The following GALNT9 variants were observed in gnomAD, a reference collection of about 807,000 sequenced individuals.
GALNT9 encodes the protein polypeptide N-acetylgalactosaminyltransferase 9, also known as GalNAc transferase 9.
In GALNT9, 47 loss-of-function variants were observed where a neutral mutation model predicts 63.1. The observed-to-expected ratio is 0.75, with a 90% CI of 0.59 to 0.95. The LOEUF (loss-of-function observed/expected upper bound fraction) is 0.95, where lower values mean the gene tolerates loss of function less well. Ranked by LOEUF, GALNT9 falls within the 40% of genes least tolerant of loss-of-function variation. The pLI is 0.00. For synonymous variants in GALNT9, 396 were observed against 365.7 expected, an observed-to-expected ratio of 1.08 and a Z score of -0.94; for missense variants, 829 against 874.8, an observed-to-expected ratio of 0.95 and a Z score of 0.66.
rs1050595718 is a variant in GALNT9 at position 132,286,850 on chromosome 12, T to C, written c.239-420A>G. On this transcript the variant is annotated intron_variant, in intron 1 of 10. Transcript: ENST00000328957. This position sits in a 1 kb window ranked among gnomAD's most constrained non-coding sequence, Gnocchi z 7.4. ...CACCTCAGCCTCCTGAGTAAATGGG[T>C]GGGCCTCCACAACTGGCAAATTTTT... Among the ~76,000 whole-genome samples the C allele has an allele frequency of 2.6e-5, 4 of 152,036 alleles. No individual in the cohort carries two copies. The highest frequency in any genetic ancestry group is 5.9e-5 in the Non-Finnish European group (4 of 68,004).
intron 2 of GALNT9, among the ~76,000 whole-genome samples, chr12:132,284,820 G>C (rs1880524094): frequency 6.6e-6 from 1 of 152,184 alleles, no homozygotes; most frequent in Non-Finnish European, 1.5e-5. Context: ...GCCCCACCTG[G>C]CTAGAACAGG....
At chr12:132,314,572 A>G (rs1479886601) in intron 1 of GALNT9, among the ~76,000 whole-genome samples, 1 of 152,194 alleles carries the variant, frequency 6.6e-6, no homozygotes, top group Non-Finnish European at 1.5e-5. Context: ...TGTGCAGCTC[A>G]AAGATTCCTC....
intron 1 of GALNT9, among the ~76,000 whole-genome samples, chr12:132,312,052 T>C (rs1309009243): frequency 6.6e-6 from 1 of 152,248 alleles, no homozygotes; most frequent in Non-Finnish European, 1.5e-5. Context: ...ATACAACAGC[T>C]AATTTCATTA....
At chr12:132,318,773 C>A (rs1387999529) in intron 1 of GALNT9, among the ~76,000 whole-genome samples, 3 of 152,204 alleles carry the variant, frequency 2.0e-5, no homozygotes, top group African/African-American at 7.2e-5. Flanking sequence ...GTCCACTCAA[C>A]CCTACACATC....
chr12:132,284,961 G>C (rs143314404), intron 2 of GALNT9, among the ~76,000 whole-genome samples: 1 of 152,214 alleles, frequency 6.6e-6, no homozygotes, highest in Non-Finnish European at 1.5e-5. Context: ...GTGAGTGAAC[G>C]CCCTGGGAAC....
At chr12:132,209,996 G>C (rs575570985) in intron 6 of GALNT9, among the ~76,000 whole-genome samples, 9 of 152,316 alleles carry the variant, frequency 5.9e-5, no homozygotes, top group Admixed American at 1.3e-4. Flanking sequence ...CCTTGTACAA[G>C]ATCCAAGAGG....
intron 1 of GALNT9, among the ~76,000 whole-genome samples, chr12:132,300,859 C>T (rs1206188596): frequency 4.6e-5 from 7 of 152,214 alleles, no homozygotes; most frequent in Admixed American, 4.6e-4. Flanking sequence ...AGATAACTCA[C>T]TCCCATAACT....
rs1555239253 is a variant in GALNT9 at position 132,257,775 on chromosome 12, GGC to G, written c.871_872del (p.Ala291ProfsTer99). The G allele has an allele frequency of 6.4e-7, 1 of 1,550,488 alleles. No homozygotes were observed. The highest frequency in any genetic ancestry group is 8.7e-7 in the Non-Finnish European group (1 of 1,146,854). On this transcript the variant is annotated frameshift_variant, in exon 5 of 11. Transcript: ENST00000328957. LOFTEE classifies it high-confidence loss of function. ...ACCAGAGGCCCCAGTTGTAGCCATG[GGC>G]GGCGTTCGCATACTGCTGCACCTCA... is the stretch of plus-strand genomic sequence containing the variant. ...TFEVQQYANA[A>X]HGYNWGLWCM...
chr12:132,227,889 T>G (rs1053170900), intron 6 of GALNT9, among the ~76,000 whole-genome samples: 3 of 152,034 alleles, frequency 2.0e-5, no homozygotes, highest in Admixed American at 6.5e-5. Context: ...GACAGAGACC[T>G]CCCCGTCCCC....
chr12:132,248,804 C>T (rs1555238298), intron 5 of GALNT9, among the ~76,000 whole-genome samples: 1 of 152,234 alleles, frequency 6.6e-6, no homozygotes, highest in African/African-American at 2.4e-5. Context: ...TGAAATCATG[C>T]ATTGGTATGC....
rs1555246620 is a variant in GALNT9 at position 132,327,761 on chromosome 12, T to TCAG, written c.238+1204_238+1205insCTG. ...GAAGGCGCTCAGGAAGTCAGGGTGCTCTGAGTCAGACAAAGCTGGGACAAC... is the reference window on the plus strand; with the variant it reads ...GAAGGCGCTCAGGAAGTCAGGGTGCTCAGCTGAGTCAGACAAAGCTGGGACAAC... On this transcript the variant is annotated intron_variant, in intron 1 of 10. Transcript: ENST00000328957. This position sits in a 1 kb window ranked among gnomAD's most constrained non-coding sequence, Gnocchi z 4.3. Among the ~76,000 whole-genome samples, 1 of 152,102 alleles carries TCAG rather than the reference T, an allele frequency of 6.6e-6. No homozygotes were observed. Among genetic ancestry groups the TCAG allele is most frequent in the Admixed American group, 6.5e-5 (1 of 15,274 alleles).
At chr12:132,225,161 A>G (rs1047310882) in intron 6 of GALNT9, among the ~76,000 whole-genome samples, 2 of 143,934 alleles carry the variant, frequency 1.4e-5, no homozygotes, top group African/African-American at 5.2e-5. Context: ...CACACCCTAC[A>G]CACATACCAC....
intron 2 of GALNT9, among the ~76,000 whole-genome samples, chr12:132,263,283 G>T (rs903207743): frequency 3.9e-5 from 6 of 152,214 alleles, no homozygotes; most frequent in Non-Finnish European, 8.8e-5. Context: ...CAGCCAGGGA[G>T]ATTTCATCAC....
At chr12:132,284,550 G>A (rs1555241986) in intron 2 of GALNT9, 1 of 152,260 alleles carries the variant, frequency 6.6e-6, no homozygotes, top group East Asian at 1.9e-4. Context: ...CATCACTTGT[G>A]TTAAATCATG....
At chr12:132,229,719 C>T (rs1343393162) in intron 6 of GALNT9, among the ~76,000 whole-genome samples, 2 of 152,226 alleles carry the variant, frequency 1.3e-5, no homozygotes, top group African/African-American at 4.8e-5. Flanking sequence ...GAGTCCCAGG[C>T]GAGAAAGAAA....
At position 132,201,243 on chromosome 12, in the gene GALNT9, C is replaced by G; in HGVS notation, c.1282G>C (p.Gly428Arg). The G allele has an allele frequency of 6.2e-7, 1 of 1,613,162 alleles. No individual in the cohort carries two copies. Among genetic ancestry groups the G allele is most frequent in the Non-Finnish European group, 8.5e-7 (1 of 1,179,320 alleles). Residue 428 changes from glycine to arginine, a missense_variant, in exon 8 of 11, where the codon GGG (glycine) becomes CGG (arginine). Gly to Arg is a moderately radical substitution (Grantham distance 125). Transcript: ENST00000328957. ...IPMSNPGVDF[G>R]DVSERLALRQ... Reference sequence around the variant, plus strand: ...AGGGCCAGCCTCTCAGACACGTCCCCGAAGTCCACCCCTGGGTTCTGCAAG... The same window carrying G: ...AGGGCCAGCCTCTCAGACACGTCCCGGAAGTCCACCCCTGGGTTCTGCAAG...
rs1169418383 is a variant in GALNT9 at position 132,279,290 on chromosome 12, A to G, written c.419+6960T>C. ...TGGGTCCCAGATAAGCACGTGACCC[A>G]CTATGGGCCAATGAAAGTCGCCTGA... On this transcript the variant is annotated intron_variant, in intron 2 of 10. Transcript: ENST00000328957. The surrounding 1 kb of genome is among the most constrained non-coding windows in gnomAD (Gnocchi z 4.1). The G allele has an allele frequency of 6.6e-6, 1 of 152,288 alleles. No homozygotes were observed. Among genetic ancestry groups the G allele is most frequent in the Non-Finnish European group, 1.5e-5 (1 of 68,076 alleles). The allele number at this position is 152,288 out of a possible 1,614,324, so 9.4% of individuals were successfully genotyped here.
chr12:132,268,820 C>G (rs1251193781), intron 2 of GALNT9, among the ~76,000 whole-genome samples: 1 of 152,158 alleles, frequency 6.6e-6, no homozygotes, highest in African/African-American at 2.4e-5. Flanking sequence ...CCACTCGGAG[C>G]CACACGGGGG....
chr12:132,214,384 A>T (rs1244931426), intron 6 of GALNT9, among the ~76,000 whole-genome samples: 1 of 152,186 alleles, frequency 6.6e-6, no homozygotes, highest in Non-Finnish European at 1.5e-5. Context: ...GAACCTCACT[A>T]GCCCGAGAGG....
Sources: gnomAD v4.1 joint callset for allele counts (sites outside exome capture counted in the v4.1 genomes callset) on GRCh38, gnomAD v4.1.1 for gene constraint, Gnocchi (gnomAD v3.1) non-coding constraint, MANE v1.5 for transcripts, NCBI Gene and HGNC (gene_info 2026-07-23, HGNC 2026-07-21) for gene names.